Variants in GSK3B observed in about 807,000 individuals in gnomAD.
The protein encoded by GSK3B is glycogen synthase kinase-3 beta.
In GSK3B, 15 loss-of-function variants were observed where a neutral mutation model predicts 56.4. The observed-to-expected ratio is 0.27, with a 90% CI of 0.18 to 0.41. The LOEUF is 0.41. Ranked by LOEUF, GSK3B falls within the 10% of genes least tolerant of loss-of-function variation. GSK3B has a pLI of 1.00. For synonymous variants in GSK3B, 181 were observed against 188.9 expected, an observed-to-expected ratio of 0.96 and a Z score of 0.34; for missense variants, 300 against 513.4, an observed-to-expected ratio of 0.58 and a Z score of 4.02.
intron 10 of GSK3B, among the ~76,000 whole-genome samples, chr3:119,828,247 CTAT>C (rs1392902877): frequency 6.6e-6 from 1 of 152,200 alleles, no homozygotes. Flanking sequence ...CTTTTAAGGT[CTAT>C]TATTATTTCA....
At chr3:120,016,873 T>C (rs530760142) in intron 1 of GSK3B, among the ~76,000 whole-genome samples, 2 of 152,322 alleles carry the variant, frequency 1.3e-5, no homozygotes, top group East Asian at 1.9e-4. Flanking sequence ...TTCACTGAAC[T>C]GGAATAAAAT....
chr3:119,837,114 A>C (rs978236722), intron 10 of GSK3B, among the ~76,000 whole-genome samples: 6 of 152,182 alleles, frequency 3.9e-5, no homozygotes, highest in Admixed American at 1.3e-4. Context: ...ACTGACTGGA[A>C]GAAGGCATAC....
chr3:119,959,689 G>A (rs1456692987), intron 2 of GSK3B, among the ~76,000 whole-genome samples: 1 of 151,422 alleles, frequency 6.6e-6, no homozygotes, highest in African/African-American at 2.4e-5. Context: ...TAATTTTTTT[G>A]TATTTTTAGT....
At chr3:120,067,723 C>A (rs1242664159) in intron 1 of GSK3B, among the ~76,000 whole-genome samples, 1 of 152,142 alleles carries the variant, frequency 6.6e-6, no homozygotes, top group Non-Finnish European at 1.5e-5. Flanking sequence ...TGTTAAATAA[C>A]CACAGGGATG....
At chr3:120,086,485 C>T (rs927928978) in intron 1 of GSK3B, among the ~76,000 whole-genome samples, 2 of 152,162 alleles carry the variant, frequency 1.3e-5, no homozygotes, top group African/African-American at 2.4e-5. Flanking sequence ...TTTTCTGCCT[C>T]CTGCCTCTTT....
intron 2 of GSK3B, among the ~76,000 whole-genome samples, chr3:119,984,395 T>TAA (rs36165954): frequency 1.4e-5 from 2 of 142,002 alleles, no homozygotes; most frequent in South Asian, 2.2e-4. Flanking sequence ...AGAAAAACCT[T>TAA]AAAAAAAAAA....
chr3:119,894,299 G>A (rs1047622478), intron 7 of GSK3B, among the ~76,000 whole-genome samples: 4 of 152,012 alleles, frequency 2.6e-5, no homozygotes, highest in African/African-American at 9.7e-5. Flanking sequence ...TGAATTGCTG[G>A]GTCATATAAC....
intron 1 of GSK3B, among the ~76,000 whole-genome samples, chr3:120,088,101 C>T (rs2058480614): frequency 6.6e-6 from 1 of 152,150 alleles, no homozygotes; most frequent in South Asian, 2.1e-4. Flanking sequence ...CCCACGTTGG[C>T]CAGGATGGTC....
chr3:119,950,363 T>C (rs2057145717), intron 2 of GSK3B, among the ~76,000 whole-genome samples: 1 of 152,112 alleles, frequency 6.6e-6, no homozygotes, highest in East Asian at 1.9e-4. Flanking sequence ...CTGGATGATA[T>C]AAAGGTAAGA....
At chr3:120,023,224 T>A (rs991677236) in intron 1 of GSK3B, among the ~76,000 whole-genome samples, 1 of 149,820 alleles carries the variant, frequency 6.7e-6, no homozygotes, top group South Asian at 2.1e-4. Flanking sequence ...AAAAAAAAAA[T>A]CAGTGGAAAC....
rs6771503 is a variant in GSK3B, at chr3:119,918,198, C to T, written c.478-2024G>A. Among the ~76,000 whole-genome samples, 968 of 152,096 alleles carry T rather than the reference C, an allele frequency of 6.4e-3. 13 individuals are homozygous for T. The highest frequency in any genetic ancestry group is 0.02 in the African/African-American group (827 of 41,474). On this transcript the variant is annotated intron_variant, in intron 4 of 10. Transcript: ENST00000264235. ...TAAATAGCTTGGTGGAGGCCGGGCG[C>T]GGTGGCTCACACCTATAACCCTAGC... is the stretch of plus-strand genomic sequence containing the variant.
chr3:120,077,836 T>C lies in GSK3B; in HGVS notation c.88+15511A>G, dbSNP rs561366128. 6.6e-5 allele frequency among the ~76,000 whole-genome samples: 10 copies of C among 151,518 alleles called. 1 individual carries two copies. The East Asian group carries it at 1.7e-3, about 26-fold the overall frequency. On this transcript the variant is annotated intron_variant, in intron 1 of 10. Coordinates refer to ENST00000264235, the MANE Select transcript of GSK3B (RefSeq NM_001146156.2). ...ATGACATGGTAAGTACTCAAAAAAT[T>C]TTCTTCCTTTACTTCAAGTCTGGAG...
intron 10 of GSK3B, among the ~76,000 whole-genome samples, chr3:119,837,943 C>CATATATATATATATATATATATAT (rs10574860): frequency 2.2e-5 from 3 of 138,592 alleles, no homozygotes; most frequent in African/African-American, 7.8e-5. Context: ...TGACCATTCA[C>CATATATATATATATATATATATAT]ATATATATAT....
intron 1 of GSK3B, among the ~76,000 whole-genome samples, chr3:120,055,073 C>A (rs1348042684): frequency 6.6e-6 from 1 of 152,168 alleles, no homozygotes; most frequent in Admixed American, 6.5e-5. Flanking sequence ...TCCCTCACTT[C>A]TTAACGATAT....
At chr3:119,885,110 A>G (rs2056421172) in intron 7 of GSK3B, among the ~76,000 whole-genome samples, 1 of 152,108 alleles carries the variant, frequency 6.6e-6, no homozygotes. Context: ...GGTTCCTGCC[A>G]AAAGGTTCCT....
intron 1 of GSK3B, among the ~76,000 whole-genome samples, chr3:120,033,416 G>C (rs1576285521): frequency 6.6e-6 from 1 of 152,210 alleles, no homozygotes; most frequent in South Asian, 2.1e-4. Flanking sequence ...CAAAACAGCT[G>C]TACCATTTTA....
chr3:120,073,765 T>C (rs2058346683), intron 1 of GSK3B, among the ~76,000 whole-genome samples: 1 of 152,218 alleles, frequency 6.6e-6, no homozygotes, highest in Non-Finnish European at 1.5e-5. Context: ...TGTAAGGCTC[T>C]GTAAGCGTCA....
intron 1 of GSK3B, among the ~76,000 whole-genome samples, chr3:120,091,449 T>C (rs535219817): frequency 1.1e-4 from 17 of 152,308 alleles, no homozygotes; most frequent in Non-Finnish European, 2.2e-4. Flanking sequence ...TTAGTTAGTA[T>C]CTGTATTACC....
chr3:119,941,681 T>G (rs1435399819), intron 3 of GSK3B, among the ~76,000 whole-genome samples: 4 of 152,204 alleles, frequency 2.6e-5, no homozygotes, highest in Non-Finnish European at 4.4e-5. Context: ...ATAAACACAA[T>G]AATAGGTAAA....
Sources: allele counts gnomAD v4.1 joint callset (sites outside exome capture counted in the v4.1 genomes callset), GRCh38; gene constraint gnomAD v4.1.1; transcripts MANE v1.5; gene names NCBI Gene and HGNC (gene_info 2026-07-23, HGNC 2026-07-21).